MARCHF4: variants seen among roughly 807,000 people sequenced by gnomAD.
MARCHF4 encodes E3 ubiquitin-protein ligase MARCHF4.
MARCHF4 carries 14 observed loss-of-function variants against 43.9 expected under a neutral mutation model. The observed-to-expected ratio is 0.32, with a 90% confidence interval of 0.21 to 0.50. The LOEUF (loss-of-function observed/expected upper bound fraction) is 0.50, where lower values mean the gene tolerates loss of function less well. MARCHF4 is among the 20% of genes least tolerant of loss of function. The probability of loss-of-function intolerance (pLI) is 0.98; values close to 1 mark genes in which losing one functional copy is unlikely to be tolerated. For missense variants in MARCHF4, 468 were observed against 536.7 expected, an observed-to-expected ratio of 0.87 and a Z score of 1.27; for synonymous variants, 226 against 213.3, an observed-to-expected ratio of 1.06 and a Z score of -0.52.
At chr2:216,361,051 G>C (rs1393622730) in intron 1 of MARCHF4, among the ~76,000 whole-genome samples, 1 of 151,942 alleles carries the variant, frequency 6.6e-6, no homozygotes, top group African/African-American at 2.4e-5. Flanking sequence ...CAATTTTGCT[G>C]TGAACCTAAA....
chr2:216,347,957 A>G (rs1229665616), intron 1 of MARCHF4, among the ~76,000 whole-genome samples: 1 of 151,376 alleles, frequency 6.6e-6, no homozygotes, highest in Non-Finnish European at 1.5e-5. Flanking sequence ...AACCAGAGCA[A>G]CTCCATCTTG....
intron 1 of MARCHF4, among the ~76,000 whole-genome samples, chr2:216,326,746 G>A: frequency 6.6e-6 from 1 of 150,678 alleles, no homozygotes. Context: ...TCACTCATAG[G>A]TGGGAATTGA....
intron 1 of MARCHF4, among the ~76,000 whole-genome samples, chr2:216,310,779 T>C (rs1691673354): frequency 6.6e-6 from 1 of 152,118 alleles, no homozygotes; most frequent in African/African-American, 2.4e-5. Context: ...TTTTTATTAA[T>C]CTACTTTTGG....
At chr2:216,339,922 G>A (rs1692211335) in intron 1 of MARCHF4, among the ~76,000 whole-genome samples, 1 of 152,008 alleles carries the variant, frequency 6.6e-6, no homozygotes, top group Non-Finnish European at 1.5e-5. Context: ...GCCTCCTGCT[G>A]GGGTGACTGG....
chr2:216,301,732 C>T (rs867013756), intron 1 of MARCHF4, among the ~76,000 whole-genome samples: 1 of 152,104 alleles, frequency 6.6e-6, no homozygotes, highest in South Asian at 2.1e-4. Context: ...GACAATATAG[C>T]TTTTTAGCAT....
chr2:216,263,599 A>G lies in MARCHF4; in HGVS notation c.866-3920T>C, dbSNP rs117706311. ...AAGAGAAAGAAAGAGAGAAGGAAAG[A>G]CTTCAAAGGGGCTGAGGCTTCTGAA... On this transcript the variant is annotated intron_variant, in intron 3 of 3. Transcript: ENST00000273067. Among the ~76,000 whole-genome samples, 683 of 152,112 alleles carry G rather than the reference A, an allele frequency of 4.5e-3. 17 individuals carry two copies. In the East Asian group the frequency reaches 0.08, roughly 18 times the overall value.
chr2:216,347,686 C>T (rs1692342571), intron 1 of MARCHF4, among the ~76,000 whole-genome samples: 1 of 151,274 alleles, frequency 6.6e-6, no homozygotes, highest in Admixed American at 6.6e-5. Context: ...GAGATGGTGC[C>T]ACTGCACTCC....
chr2:216,276,498 G>A (rs1691023791), intron 3 of MARCHF4, among the ~76,000 whole-genome samples: 1 of 152,214 alleles, frequency 6.6e-6, no homozygotes, highest in South Asian at 2.1e-4. Flanking sequence ...AGATGGCTTA[G>A]AGAAGTTTAC....
At chr2:216,313,704 T>G (rs925249898) in intron 1 of MARCHF4, among the ~76,000 whole-genome samples, 8 of 152,240 alleles carry the variant, frequency 5.3e-5, no homozygotes, top group African/African-American at 1.9e-4. Context: ...GGAAAGGGTG[T>G]AGAGAGATCT....
intron 1 of MARCHF4, among the ~76,000 whole-genome samples, chr2:216,366,560 C>T (rs1402535257): frequency 6.6e-6 from 1 of 152,174 alleles, no homozygotes. Flanking sequence ...AGCTCGTTCA[C>T]ATTCACGCTT....
chr2:216,306,327 C>A (rs1240859025), intron 1 of MARCHF4, among the ~76,000 whole-genome samples: 1 of 152,128 alleles, frequency 6.6e-6, no homozygotes, highest in Non-Finnish European at 1.5e-5. Flanking sequence ...CAGGATAAAT[C>A]ATTTTATAAG....
rs1230797316 is a variant in MARCHF4, at chr2:216,258,578, A to G, written c.*734T>C. 1 of 151,896 alleles carries G rather than the reference A, an allele frequency of 6.6e-6. No individual in the cohort carries two copies. The allele number at this position is 151,896 out of a possible 1,614,324, so 9.4% of individuals were successfully genotyped here. On this transcript the variant is annotated 3_prime_UTR_variant, in exon 4 of 4. Coordinates refer to ENST00000273067, the MANE Select transcript of MARCHF4 (RefSeq NM_020814.3). ...ACATCTTTGAACCAAATCACTATAA[A>G]ATAAATTAACAAGGGCACAGAAGGA...
intron 3 of MARCHF4, among the ~76,000 whole-genome samples, chr2:216,266,302 A>T (rs1690843068): frequency 6.6e-6 from 1 of 152,184 alleles, no homozygotes; most frequent in Non-Finnish European, 1.5e-5. Flanking sequence ...TAAAGTAATG[A>T]GTCCTGCGTG....
intron 3 of MARCHF4, among the ~76,000 whole-genome samples, chr2:216,266,509 T>C (rs999644397): frequency 3.9e-5 from 6 of 152,208 alleles, no homozygotes; most frequent in Non-Finnish European, 7.3e-5. Context: ...TCATTGTTTA[T>C]AGATGAATGA....
intron 2 of MARCHF4, among the ~76,000 whole-genome samples, chr2:216,278,510 C>G (rs532925613): frequency 6.6e-6 from 1 of 152,322 alleles, no homozygotes; most frequent in South Asian, 2.1e-4. Flanking sequence ...CAGGTGTGAG[C>G]CACCATGCCC....
chr2:216,362,739 T>C (rs1193464605), intron 1 of MARCHF4, among the ~76,000 whole-genome samples: 1 of 152,218 alleles, frequency 6.6e-6, no homozygotes, highest in African/African-American at 2.4e-5. Flanking sequence ...CTTACTCAAT[T>C]GTGCTATTTC....
intron 1 of MARCHF4, among the ~76,000 whole-genome samples, chr2:216,360,141 C>G (rs772028513): frequency 5.3e-5 from 8 of 152,142 alleles, no homozygotes; most frequent in Non-Finnish European, 1.0e-4. Flanking sequence ...CATGTATCAT[C>G]CCCTTCCTGA....
intron 1 of MARCHF4, among the ~76,000 whole-genome samples, chr2:216,332,706 G>C (rs561858650): frequency 2.0e-5 from 3 of 152,032 alleles, no homozygotes; most frequent in Admixed American, 1.3e-4. Flanking sequence ...AAAGACGGTC[G>C]TCTCCCCAAA....
chr2:216,327,527 T>G (rs549314784), intron 1 of MARCHF4, among the ~76,000 whole-genome samples: 15 of 152,312 alleles, frequency 9.8e-5, no homozygotes, highest in African/African-American at 3.6e-4. Context: ...CCAGTTGGTT[T>G]TATTTTTAGA....
Sources: gnomAD v4.1 joint callset for allele counts (sites outside exome capture counted in the v4.1 genomes callset) on GRCh38, gnomAD v4.1.1 for gene constraint, MANE v1.5 for transcripts, NCBI Gene and HGNC (gene_info 2026-07-23, HGNC 2026-07-21) for gene names.